The following CAMTA1 variants were observed in gnomAD, a reference collection of about 807,000 sequenced individuals.
CAMTA1 encodes calmodulin-binding transcription activator 1.
In CAMTA1, 27 loss-of-function variants were observed where a neutral mutation model predicts 170.9. That is an observed-to-expected ratio of 0.16 (90% CI 0.12 to 0.22). The LOEUF is 0.22. CAMTA1 is among the 10% of genes least tolerant of loss of function. The probability of loss-of-function intolerance (pLI) is 1.00; values close to 1 mark genes in which losing one functional copy is unlikely to be tolerated. For missense variants in CAMTA1, 1,619 were observed against 2,217.2 expected, an observed-to-expected ratio of 0.73 and a Z score of 5.42; for synonymous variants, 833 against 891.5, an observed-to-expected ratio of 0.93 and a Z score of 1.17.
chr1:7,312,188 C>G (rs553069342), intron 5 of CAMTA1, among the ~76,000 whole-genome samples: 23 of 152,190 alleles, frequency 1.5e-4, no homozygotes, highest in African/African-American at 5.5e-4. Flanking sequence ...GATCAAAGGT[C>G]TAACTATTGT....
intron 5 of CAMTA1, among the ~76,000 whole-genome samples, chr1:7,332,506 A>G (rs1399015694): frequency 6.6e-6 from 1 of 152,212 alleles, no homozygotes; most frequent in African/African-American, 2.4e-5. Flanking sequence ...TACCCTTGGA[A>G]TTTAGAGTCC....
intron 6 of CAMTA1, among the ~76,000 whole-genome samples, chr1:7,622,038 A>T (rs1460764305): frequency 6.6e-6 from 1 of 152,244 alleles, no homozygotes; most frequent in African/African-American, 2.4e-5. Flanking sequence ...CTCCAAAGAC[A>T]GAAACCAAAA....
chr1:7,590,261 C>G (rs746810228), intron 6 of CAMTA1, among the ~76,000 whole-genome samples: 1 of 152,180 alleles, frequency 6.6e-6, no homozygotes, highest in Non-Finnish European at 1.5e-5. Flanking sequence ...TGCTATGAGT[C>G]CCTGGCCAGG....
chr1:7,276,303 A>ATATATAATTTTTT lies in CAMTA1; in HGVS notation c.438+26678_438+26679insATATAATTTTTTT. Among the ~76,000 whole-genome samples, 5 of 24,226 alleles carry ATATATAATTTTTT rather than the reference A, an allele frequency of 2.1e-4. 1 individual carries two copies. The highest frequency in any genetic ancestry group is 1.5e-3 in the African/African-American group (5 of 3,360). The allele number at this position is 24,226 out of a possible 152,430, so 15.9% of individuals were successfully genotyped here. On this transcript the variant is annotated intron_variant, in intron 5 of 22. Coordinates refer to ENST00000303635, the MANE Select transcript of CAMTA1 (RefSeq NM_015215.4). ...CATATATATATATATATATATATATATTTTTTTTTTTTTTTTTTCTTTTTG... is the reference window on the plus strand; with the variant it reads ...CATATATATATATATATATATATATATATATAATTTTTTTTTTTTTTTTTTTTTTTTCTTTTTG...
intron 3 of CAMTA1, among the ~76,000 whole-genome samples, chr1:6,867,011 C>T (rs1011711302): frequency 3.9e-5 from 6 of 152,188 alleles, no homozygotes; most frequent in Admixed American, 2.0e-4. Context: ...CTAAAGCACG[C>T]GGAGAGGGCA....
chr1:7,551,602 T>C (rs1371272469), intron 6 of CAMTA1, among the ~76,000 whole-genome samples: 2 of 152,192 alleles, frequency 1.3e-5, no homozygotes, highest in Non-Finnish European at 2.9e-5. Context: ...CTGTGGCTGC[T>C]GAAGCTTCCT....
chr1:7,022,970 G>A (rs1041783525), intron 3 of CAMTA1, among the ~76,000 whole-genome samples: 2 of 152,172 alleles, frequency 1.3e-5, no homozygotes, highest in Non-Finnish European at 2.9e-5. Flanking sequence ...AGTTTCCACA[G>A]TAAACCCCTT....
chr1:7,209,560 G>C (rs1315049161), intron 4 of CAMTA1, among the ~76,000 whole-genome samples: 2 of 152,182 alleles, frequency 1.3e-5, no homozygotes, highest in Non-Finnish European at 2.9e-5. Context: ...CCAGAGCTCT[G>C]TCAGCAACAA....
At chr1:7,057,140 G>C (rs1048460396) in intron 3 of CAMTA1, among the ~76,000 whole-genome samples, 2 of 152,198 alleles carry the variant, frequency 1.3e-5, no homozygotes, top group African/African-American at 4.8e-5. Context: ...TGAGATGGGG[G>C]TCTGGGCTCC....
rs903922121 is a variant in CAMTA1, at chr1:7,470,881, G to A, written c.510+2980G>A. ...GGGCACGTCTGCCTATGTTGGCCTC[G>A]ATTTTCCTCTCCAACTAGTCAGCTC... On this transcript the variant is annotated intron_variant, in intron 6 of 22. Coordinates refer to ENST00000303635, the MANE Select transcript of CAMTA1 (RefSeq NM_015215.4). 5.3e-5 allele frequency among the ~76,000 whole-genome samples: 8 copies of A among 152,168 alleles called. No individual in the cohort carries two copies. In the South Asian group the frequency reaches 6.2e-4, roughly 12 times the overall value.
rs186044779 is a variant in CAMTA1 at position 6,948,176 on chromosome 1, G to A, written c.234+122966G>A. Among the ~76,000 whole-genome samples the A allele has an allele frequency of 1.7e-4, 26 of 152,290 alleles. No homozygotes were observed. The East Asian group carries it at 4.6e-3, about 27-fold the overall frequency. ...AGAGTGGGTAAGTAAGTTGCCCAAG[G>A]GTGTGTTACAGCCGAAGAGCTGTGG... On this transcript the variant is annotated intron_variant, in intron 3 of 22. Coordinates refer to ENST00000303635, the MANE Select transcript of CAMTA1 (RefSeq NM_015215.4).
At chr1:6,986,865 G>C (rs4908582) in intron 3 of CAMTA1, among the ~76,000 whole-genome samples, 78,389 of 151,756 alleles carry the variant, frequency 0.52, 20,664 homozygotes, top group African/African-American at 0.62. Context: ...ACTCCTGCTG[G>C]TTTCTTTTGG....
intron 6 of CAMTA1, among the ~76,000 whole-genome samples, chr1:7,530,634 A>C (rs888197205): frequency 1.1e-4 from 17 of 152,274 alleles, no homozygotes; most frequent in Non-Finnish European, 2.1e-4. Flanking sequence ...ACTTGGATCT[A>C]TCTGAGTCAA....
At position 7,745,886 on chromosome 1, in the gene CAMTA1, G is replaced by T. The variant is rs1260622986; in HGVS notation, c.4412G>T (p.Ser1471Ile). ...CCTCTAACCCCTTCTTCTAATACCA[G>T]CTTGAGCCCTGTTGGCTCTCCCGTC... is the stretch of plus-strand genomic sequence containing the variant. Reference protein sequence around the residue: ...NEPLTPSSNTSLSPVGSPVSE... With the variant: ...NEPLTPSSNTILSPVGSPVSE... Residue 1471 changes from serine (S) to isoleucine (I), a missense_variant, in exon 18 of 23, where the codon AGC (serine) becomes ATC (isoleucine). Transcript: ENST00000303635. 1 of 1,614,166 alleles carries T rather than the reference G, an allele frequency of 6.2e-7. No individual in the cohort carries two copies. The highest frequency in any genetic ancestry group is 2.2e-5 in the East Asian group (1 of 44,884).
chr1:6,921,421 G>A (rs911267006), intron 3 of CAMTA1, among the ~76,000 whole-genome samples: 18 of 152,212 alleles, frequency 1.2e-4, no homozygotes, highest in Non-Finnish European at 2.4e-4. Context: ...TCTCTAGGAA[G>A]TTCCAAACTT....
chr1:6,823,297 A>G (rs898179050), intron 2 of CAMTA1, among the ~76,000 whole-genome samples: 1 of 152,160 alleles, frequency 6.6e-6, no homozygotes, highest in African/African-American at 2.4e-5. Context: ...ATAAGCACAT[A>G]AGATTACCGA....
intron 3 of CAMTA1, among the ~76,000 whole-genome samples, chr1:6,841,212 C>T (rs76779069): frequency 0.017 from 2,623 of 152,310 alleles, 95 homozygotes; most frequent in African/African-American, 0.06. Flanking sequence ...CTTTTAATTA[C>T]GCCGAGTCCA....
intron 4 of CAMTA1, among the ~76,000 whole-genome samples, chr1:7,122,082 G>A (rs1644677156): frequency 6.6e-6 from 1 of 152,050 alleles, no homozygotes; most frequent in African/African-American, 2.4e-5. Context: ...AAAGGCCATG[G>A]AGTGTTCTGG....
chr1:7,383,762 T>C (rs754536447), intron 5 of CAMTA1, among the ~76,000 whole-genome samples: 1 of 151,532 alleles, frequency 6.6e-6, no homozygotes, highest in African/African-American at 2.4e-5. Context: ...TTGAAGATGA[T>C]AAGAATGATG....
Sources: gnomAD v4.1 joint callset for allele counts (sites outside exome capture counted in the v4.1 genomes callset) on GRCh38, gnomAD v4.1.1 for gene constraint, MANE v1.5 for transcripts, NCBI Gene and HGNC (gene_info 2026-07-23, HGNC 2026-07-21) for gene names.